GPR149: variants seen among roughly 807,000 people sequenced by gnomAD.
GPR149 encodes the protein probable G protein-coupled receptor 149.
GPR149 carries 50 observed loss-of-function variants against 50.2 expected under a neutral mutation model. That is an observed-to-expected ratio of 1.00 (90% CI 0.79 to 1.26). The LOEUF (loss-of-function observed/expected upper bound fraction) is 1.26, where lower values mean the gene tolerates loss of function less well. Among genes scored for constraint, GPR149 ranks in the 50% most tolerant of loss-of-function variants. The pLI is 0.00. For synonymous variants in GPR149, 405 were observed against 358.2 expected (o/e 1.13, Z -1.48); for missense variants, 983 against 895.4 (o/e 1.10, Z -1.25).
intron 3 of GPR149, among the ~76,000 whole-genome samples, chr3:154,386,974 T>C (rs1054601944): frequency 2.3e-3 from 26 of 11,400 alleles, no homozygotes; most frequent in African/African-American, 3.2e-3. Flanking sequence ...ATTTTTCTCC[T>C]TTTTTTTTCC....
chr3:154,342,406 T>C (rs886492759), intron 3 of GPR149, among the ~76,000 whole-genome samples: 3 of 152,184 alleles, frequency 2.0e-5, no homozygotes, highest in Non-Finnish European at 4.4e-5. Flanking sequence ...TGACCAATTA[T>C]TTTATTTTAT....
chr3:154,344,432 G>A (rs1004267428), intron 3 of GPR149, among the ~76,000 whole-genome samples: 1 of 152,126 alleles, frequency 6.6e-6, no homozygotes, highest in African/African-American at 2.4e-5. Context: ...TACAAAAACT[G>A]TTAATATTGG....
intron 3 of GPR149, among the ~76,000 whole-genome samples, chr3:154,381,818 T>G (rs1714935318): frequency 2.4e-5 from 2 of 84,846 alleles, no homozygotes; most frequent in Non-Finnish European, 5.2e-5. Context: ...TTGAATTTGG[T>G]GATGTGCACT....
chr3:154,422,916 A>T (rs1471977899), intron 2 of GPR149, among the ~76,000 whole-genome samples: 5 of 151,840 alleles, frequency 3.3e-5, no homozygotes, highest in Admixed American at 6.6e-5. Context: ...TTGTTCTCCA[A>T]AAAAGATATA....
intron 2 of GPR149, among the ~76,000 whole-genome samples, chr3:154,424,191 G>A (rs1437847147): frequency 6.6e-6 from 1 of 151,802 alleles, no homozygotes; most frequent in African/African-American, 2.4e-5. Flanking sequence ...AATAAAAATT[G>A]GTTAAACACC....
intron 3 of GPR149, among the ~76,000 whole-genome samples, chr3:154,384,011 A>G (rs1376038516): frequency 6.6e-6 from 1 of 152,092 alleles, no homozygotes; most frequent in Non-Finnish European, 1.5e-5. Flanking sequence ...GTTGTTTTTA[A>G]GCTATTCGGA....
chr3:154,402,439 TAA>T (rs1711569333), intron 3 of GPR149, among the ~76,000 whole-genome samples: 2 of 150,474 alleles, frequency 1.3e-5, no homozygotes, highest in African/African-American at 2.4e-5. Flanking sequence ...AATAAATAAA[TAA>T]ATAAATATAG....
At chr3:154,366,369 C>T (rs1416487064) in intron 3 of GPR149, among the ~76,000 whole-genome samples, 2 of 152,158 alleles carry the variant, frequency 1.3e-5, no homozygotes, top group Admixed American at 1.3e-4. Flanking sequence ...TACTTTACTC[C>T]AAAATACATT....
In GPR149 at chr3:154,337,639, G is replaced by T; in HGVS notation, c.*60C>A. The T allele has an allele frequency of 8.3e-7, 1 of 1,210,482 alleles. No individual in the cohort carries two copies. The highest frequency in any genetic ancestry group is 1.2e-6 in the Non-Finnish European group (1 of 864,338). 75.0% of individuals were successfully genotyped at this position (1,210,482 alleles called of 1,614,324 possible). On this transcript the variant is annotated 3_prime_UTR_variant, in exon 4 of 4. Transcript: ENST00000389740. The stretch of plus-strand genomic sequence containing the variant: ...AAAGGAAATCAGTCTCATAACAAAG[G>T]TGTTAGTTTCACAGTTGACGTTGCA...
intron 3 of GPR149, among the ~76,000 whole-genome samples, chr3:154,420,527 T>TTC (rs1380160148): frequency 6.6e-6 from 1 of 152,008 alleles, no homozygotes; most frequent in East Asian, 1.9e-4. Flanking sequence ...AATATTTTTT[T>TTC]TCTGCTGGGT....
rs551741490 is a variant in GPR149 at position 154,366,209 on chromosome 3, C to A, written c.1624-27938G>T. Among the ~76,000 whole-genome samples the A allele has an allele frequency of 3.9e-5, 6 of 152,274 alleles. No individual in the cohort carries two copies. In the East Asian group the frequency reaches 1.2e-3, roughly 29 times the overall value. On this transcript the variant is annotated intron_variant, in intron 3 of 3. Coordinates refer to ENST00000389740, the MANE Select transcript of GPR149 (RefSeq NM_001038705.3). Reference sequence around the variant, plus strand: ...GGTCAGACACTCCTTGTTATACTCTCTTCCTGTTGGAGTTTAGGCACAACT... The same window carrying A: ...GGTCAGACACTCCTTGTTATACTCTATTCCTGTTGGAGTTTAGGCACAACT...
At chr3:154,417,539 T>A (rs530244819) in intron 3 of GPR149, among the ~76,000 whole-genome samples, 3 of 152,058 alleles carry the variant, frequency 2.0e-5, no homozygotes, top group Non-Finnish European at 2.9e-5. Context: ...TTTTAAAATA[T>A]CCTGAGAACA....
intron 3 of GPR149, among the ~76,000 whole-genome samples, chr3:154,396,945 A>G (rs1429197631): frequency 6.6e-6 from 1 of 151,846 alleles, no homozygotes; most frequent in South Asian, 2.1e-4. Context: ...TTTTAAGAGC[A>G]CTAAAATTGA....
intron 3 of GPR149, among the ~76,000 whole-genome samples, chr3:154,395,814 TAAAC>T (rs981938497): frequency 6.6e-6 from 1 of 151,952 alleles, no homozygotes; most frequent in Non-Finnish European, 1.5e-5. Context: ...AACAAACAAA[TAAAC>T]AAACAAACCA....
At chr3:154,367,613 A>T (rs1484600155) in intron 3 of GPR149, among the ~76,000 whole-genome samples, 1 of 152,198 alleles carries the variant, frequency 6.6e-6, no homozygotes, top group Non-Finnish European at 1.5e-5. Flanking sequence ...TTTAAAATGT[A>T]ATTGAAAAAT....
chr3:154,391,239 C>A, intron 3 of GPR149, among the ~76,000 whole-genome samples: 2 of 148,124 alleles, frequency 1.4e-5, no homozygotes, highest in African/African-American at 2.5e-5. Flanking sequence ...TAATTATAAC[C>A]ATAAAATGTG....
rs538937370 is a variant in GPR149, at chr3:154,348,489, AG to A, written c.1624-10219del. On this transcript the variant is annotated intron_variant, in intron 3 of 3. Coordinates refer to ENST00000389740, the MANE Select transcript of GPR149 (RefSeq NM_001038705.3). Reference sequence around the variant, plus strand: ...TCACATAAAATAGATTTCAGACAAAAGAAAGTTATCAGAGACAGGGAAAATT... The same window carrying A: ...TCACATAAAATAGATTTCAGACAAAAAAAGTTATCAGAGACAGGGAAAATT... Among the ~76,000 whole-genome samples, 347 of 152,292 alleles carry A rather than the reference AG, an allele frequency of 2.3e-3. 2 individuals carry two copies. The highest frequency in any genetic ancestry group is 8.2e-3 in the African/African-American group (341 of 41,578).
chr3:154,398,097 A>T (rs770495214), intron 3 of GPR149, among the ~76,000 whole-genome samples: 2 of 152,156 alleles, frequency 1.3e-5, no homozygotes, highest in East Asian at 3.8e-4. Flanking sequence ...ATACACATAC[A>T]CATTTTCCCC....
chr3:154,378,086 C>CA (rs1413117512), intron 3 of GPR149, among the ~76,000 whole-genome samples: 2 of 72,532 alleles, frequency 2.8e-5, no homozygotes, highest in East Asian at 1.6e-3. Flanking sequence ...TATCCCCCCC[C>CA]CCTTTTTTTT....
Sources: gnomAD v4.1 joint callset for allele counts (sites outside exome capture counted in the v4.1 genomes callset) on GRCh38, gnomAD v4.1.1 for gene constraint, MANE v1.5 for transcripts, NCBI Gene and HGNC (gene_info 2026-07-23, HGNC 2026-07-21) for gene names.